Variants in TMEM108 observed in about 807,000 individuals in gnomAD.
TMEM108 encodes transmembrane protein 108.
Under a neutral mutation model 35.1 loss-of-function variants are expected in TMEM108, and 12 were observed. The ratio of observed to expected loss-of-function variants is 0.34; its 90% CI spans 0.22 to 0.55. TMEM108 has a LOEUF of 0.55. Ranked by LOEUF, TMEM108 falls within the 20% of genes least tolerant of loss-of-function variation. The pLI is 0.89. For synonymous variants in TMEM108, 287 were observed against 308.6 expected (o/e 0.93, Z 0.73); for missense variants, 680 against 753.3 (o/e 0.90, Z 1.14).
At chr3:133,392,219 G>A (rs567915408) in intron 5 of TMEM108, among the ~76,000 whole-genome samples, 1 of 151,494 alleles carries the variant, frequency 6.6e-6, no homozygotes, top group East Asian at 1.9e-4. Flanking sequence ...CTGGAGTGCA[G>A]TGGTGTGATC....
chr3:133,221,233 T>C (rs753300431), intron 2 of TMEM108, among the ~76,000 whole-genome samples: 1 of 152,164 alleles, frequency 6.6e-6, no homozygotes, highest in Admixed American at 6.5e-5. Context: ...GCTATATTCA[T>C]GGCTTGATTT....
Position 133,136,468 on chromosome 3 carries a change from G to A in TMEM108, c.-47+90448G>A, listed in dbSNP as rs761642457. On this transcript the variant is annotated intron_variant, in intron 2 of 5. Coordinates refer to ENST00000321871, the MANE Select transcript of TMEM108 (RefSeq NM_023943.4). ...TCCCCTGGAGATTGCTTCCTGGCCT[G>A]TAAGCCCAGACTAGGGCTTTCTTTT... 2.0e-5 allele frequency among the ~76,000 whole-genome samples: 3 copies of A among 152,356 alleles called. No individual in the cohort carries two copies. The East Asian group carries it at 5.8e-4, about 29-fold the overall frequency.
In TMEM108 at chr3:133,277,638, G is replaced by A. The variant is rs575781767; in HGVS notation, c.40+48287G>A. ...ACTCAGTCAGCCCTGGCATTCCGCC[G>A]GGCACCGCATTGTTCTATTTAACCT... On this transcript the variant is annotated intron_variant, in intron 3 of 5. Coordinates refer to ENST00000321871, the MANE Select transcript of TMEM108 (RefSeq NM_023943.4). Among the ~76,000 whole-genome samples, 28 of 152,264 alleles carry A rather than the reference G, an allele frequency of 1.8e-4. No individual in the cohort carries two copies. In the South Asian group the frequency reaches 4.8e-3, roughly 26 times the overall value.
rs1403054762 is a variant in TMEM108, at chr3:133,130,859, A to G, written c.-47+84839A>G. Among the ~76,000 whole-genome samples, 4 of 152,236 alleles carry G rather than the reference A, an allele frequency of 2.6e-5. 1 individual carries two copies. The highest frequency in any genetic ancestry group is 2.6e-4 in the Admixed American group (4 of 15,278). ...GAGCATATTGGCATTAAAATGGAAT[A>G]TAATCTATCCATTATAATTTAACTG... On this transcript the variant is annotated intron_variant, in intron 2 of 5. Coordinates refer to ENST00000321871, the MANE Select transcript of TMEM108 (RefSeq NM_023943.4).
chr3:133,223,280 C>T (rs1042903334), intron 2 of TMEM108, among the ~76,000 whole-genome samples: 4 of 152,162 alleles, frequency 2.6e-5, no homozygotes, highest in Non-Finnish European at 5.9e-5. Context: ...CTGAGCAGGT[C>T]GTCTGATGTT....
intron 2 of TMEM108, among the ~76,000 whole-genome samples, chr3:133,143,906 G>A (rs1944675100): frequency 6.7e-6 from 1 of 149,784 alleles, no homozygotes; most frequent in South Asian, 2.1e-4. Context: ...ATTCTACAAG[G>A]GAAAGGAAGG....
intron 3 of TMEM108, among the ~76,000 whole-genome samples, chr3:133,355,799 C>G (rs1329644568): frequency 6.6e-6 from 1 of 152,092 alleles, no homozygotes; most frequent in African/African-American, 2.4e-5. Context: ...TTAGATAAGT[C>G]TAAAGGAGTT....
At chr3:133,297,575 C>T (rs1322086540) in intron 3 of TMEM108, among the ~76,000 whole-genome samples, 1 of 152,156 alleles carries the variant, frequency 6.6e-6, no homozygotes, top group African/African-American at 2.4e-5. Context: ...TCCTGGGCCC[C>T]ACCCCAGAAC....
chr3:133,369,685 G>A (rs1418715000), intron 3 of TMEM108, among the ~76,000 whole-genome samples: 1 of 152,188 alleles, frequency 6.6e-6, no homozygotes, highest in African/African-American at 2.4e-5. Context: ...GGACTCCAAA[G>A]CACATCAGTA....
chr3:133,230,849 C>G (rs995221339), intron 3 of TMEM108, among the ~76,000 whole-genome samples: 4 of 152,194 alleles, frequency 2.6e-5, no homozygotes, highest in Non-Finnish European at 4.4e-5. Flanking sequence ...CGAGGTCCAT[C>G]CTCTTATATT....
At chr3:133,287,460 C>G (rs774594748) in intron 3 of TMEM108, among the ~76,000 whole-genome samples, 18 of 151,974 alleles carry the variant, frequency 1.2e-4, no homozygotes, top group Non-Finnish European at 2.9e-5. Flanking sequence ...TCCCAACCCT[C>G]TCTTCTGTAG....
At chr3:133,158,491 AAAAG>A (rs1944914762) in intron 2 of TMEM108, among the ~76,000 whole-genome samples, 2 of 142,560 alleles carry the variant, frequency 1.4e-5, no homozygotes, top group Non-Finnish European at 3.1e-5. Context: ...AAAAAAAAAG[AAAAG>A]AAAGAAATTG....
intron 2 of TMEM108, among the ~76,000 whole-genome samples, chr3:133,200,727 G>A (rs1945650285): frequency 6.6e-6 from 1 of 152,082 alleles, no homozygotes; most frequent in Non-Finnish European, 1.5e-5. Flanking sequence ...CATTGTTTTT[G>A]TCTTATGTTG....
intron 3 of TMEM108, among the ~76,000 whole-genome samples, chr3:133,293,443 G>T (rs1000748387): frequency 6.6e-6 from 1 of 150,888 alleles, no homozygotes; most frequent in Non-Finnish European, 1.5e-5. Context: ...GAATTAAATT[G>T]TTGGCTATTA....
chr3:133,142,818 G>C, intron 2 of TMEM108, among the ~76,000 whole-genome samples: 1 of 152,116 alleles, frequency 6.6e-6, no homozygotes, highest in African/African-American at 2.4e-5. Flanking sequence ...TCCAAACAGT[G>C]TTCTAAATGC....
chr3:133,183,033 T>G (rs1945369587), intron 2 of TMEM108, among the ~76,000 whole-genome samples: 1 of 152,226 alleles, frequency 6.6e-6, no homozygotes. Context: ...TCGAAGTATT[T>G]ACATATAACC....
intron 2 of TMEM108, among the ~76,000 whole-genome samples, chr3:133,151,263 A>G (rs1171701015): frequency 1.3e-5 from 2 of 152,176 alleles, no homozygotes; most frequent in African/African-American, 2.4e-5. Flanking sequence ...GGAAGGGAAC[A>G]TGTTTGTTTT....
At chr3:133,305,025 G>A (rs1947282179) in intron 3 of TMEM108, among the ~76,000 whole-genome samples, 2 of 152,192 alleles carry the variant, frequency 1.3e-5, no homozygotes, top group Middle Eastern at 3.4e-3. Context: ...AGAGATTACG[G>A]TAAGCCAAGA....
At chr3:133,044,478 A>C (rs996368656) in intron 1 of TMEM108, among the ~76,000 whole-genome samples, 50 of 152,320 alleles carry the variant, frequency 3.3e-4, no homozygotes, top group East Asian at 5.8e-4. Flanking sequence ...TCTGCAAATC[A>C]TTTTATGGTT....
Sources: gnomAD v4.1 joint callset for allele counts (sites outside exome capture counted in the v4.1 genomes callset) on GRCh38, gnomAD v4.1.1 for gene constraint, MANE v1.5 for transcripts, NCBI Gene and HGNC (gene_info 2026-07-23, HGNC 2026-07-21) for gene names.